Variants in CDK14 observed in about 807,000 individuals in gnomAD.
CDK14 encodes cyclin-dependent kinase 14.
In CDK14, 34 loss-of-function variants were observed where a neutral mutation model predicts 60.7. The observed-to-expected ratio is 0.56, with a 90% CI of 0.43 to 0.75. The LOEUF (loss-of-function observed/expected upper bound fraction) is 0.75, where lower values mean the gene tolerates loss of function less well. Among genes scored for constraint, CDK14 ranks in the 30% least tolerant of loss-of-function variants. The pLI is 0.00. For synonymous variants in CDK14, 197 were observed against 203.7 expected, an observed-to-expected ratio of 0.97 and a Z score of 0.28; for missense variants, 482 against 564.1, an observed-to-expected ratio of 0.85 and a Z score of 1.47.
At chr7:90,781,655 A>C (rs1805326018) in intron 4 of CDK14, among the ~76,000 whole-genome samples, 1 of 151,190 alleles carries the variant, frequency 6.6e-6, no homozygotes, top group African/African-American at 2.4e-5. Context: ...TTTTCCCAGC[A>C]CCATGTATTA....
At chr7:90,748,671 C>G (rs1803691911) in intron 4 of CDK14, among the ~76,000 whole-genome samples, 1 of 152,204 alleles carries the variant, frequency 6.6e-6, no homozygotes, top group African/African-American at 2.4e-5. Flanking sequence ...CAGCCTCAAC[C>G]TCCTGGGCTC....
intron 8 of CDK14, among the ~76,000 whole-genome samples, chr7:90,938,862 C>A (rs1793830254): frequency 6.6e-6 from 1 of 152,118 alleles, no homozygotes; most frequent in South Asian, 2.1e-4. Flanking sequence ...TATTTGTTTA[C>A]AACATTTGAT....
intron 5 of CDK14, among the ~76,000 whole-genome samples, chr7:90,831,905 A>C (rs1789924608): frequency 6.6e-6 from 1 of 151,696 alleles, no homozygotes; most frequent in South Asian, 2.1e-4. Context: ...CTTTAATCTC[A>C]CAGCACATGA....
intron 11 of CDK14, among the ~76,000 whole-genome samples, chr7:91,072,631 C>T (rs1316034888): frequency 2.6e-5 from 4 of 152,058 alleles, no homozygotes; most frequent in Admixed American, 1.3e-4. Flanking sequence ...TTCAAACGAT[C>T]GCAACAGCTC....
intron 6 of CDK14, among the ~76,000 whole-genome samples, chr7:90,869,080 A>C (rs905799723): frequency 6.6e-6 from 1 of 152,180 alleles, no homozygotes; most frequent in Non-Finnish European, 1.5e-5. Context: ...TTGATGTTTA[A>C]ATCTGTGAAG....
At chr7:91,027,725 T>A (rs1300370179) in intron 10 of CDK14, among the ~76,000 whole-genome samples, 1 of 149,614 alleles carries the variant, frequency 6.7e-6, no homozygotes, top group Non-Finnish European at 1.5e-5. Flanking sequence ...AATTGTATAG[T>A]GGTGAAGTCT....
chr7:90,708,064 G>A (rs1387189667), intron 2 of CDK14, among the ~76,000 whole-genome samples: 1 of 152,198 alleles, frequency 6.6e-6, no homozygotes, highest in Non-Finnish European at 1.5e-5. Flanking sequence ...TTAGGGGAAA[G>A]GGGATTGCCT....
At chr7:90,667,432 T>C (rs1801005277) in intron 2 of CDK14, among the ~76,000 whole-genome samples, 1 of 152,146 alleles carries the variant, frequency 6.6e-6, no homozygotes. Flanking sequence ...TAGCAGTCAC[T>C]CCCCATTTTT....
At chr7:90,705,637 A>G (rs1801881052) in intron 2 of CDK14, among the ~76,000 whole-genome samples, 1 of 150,014 alleles carries the variant, frequency 6.7e-6, no homozygotes, top group African/African-American at 2.5e-5. Context: ...ACCCTCTTCT[A>G]ATAAGCCTGA....
At chr7:90,852,735 T>C (rs1409031912) in intron 5 of CDK14, among the ~76,000 whole-genome samples, 2 of 152,264 alleles carry the variant, frequency 1.3e-5, no homozygotes, top group Middle Eastern at 3.4e-3. Context: ...ACTCAGTGTA[T>C]TAGTGACATT....
chr7:91,067,897 T>C (rs1233607548), intron 11 of CDK14, among the ~76,000 whole-genome samples: 1 of 152,254 alleles, frequency 6.6e-6, no homozygotes, highest in African/African-American at 2.4e-5. Context: ...CTTTTATCTG[T>C]AATAGAATTC....
intron 2 of CDK14, among the ~76,000 whole-genome samples, chr7:90,684,090 G>A (rs1490786152): frequency 6.6e-6 from 1 of 152,042 alleles, no homozygotes; most frequent in African/African-American, 2.4e-5. Flanking sequence ...AACTTGCAAC[G>A]ACTTCAATAT....
At chr7:90,784,903 A>G (rs1271190514) in intron 4 of CDK14, among the ~76,000 whole-genome samples, 2 of 152,226 alleles carry the variant, frequency 1.3e-5, no homozygotes, top group African/African-American at 2.4e-5. Context: ...GAATTAATAA[A>G]TGAAACACTA....
intron 3 of CDK14, among the ~76,000 whole-genome samples, chr7:90,731,974 G>A (rs1401453283): frequency 1.3e-5 from 2 of 152,084 alleles, no homozygotes; most frequent in African/African-American, 4.8e-5. Flanking sequence ...CTGGTTGTGG[G>A]TTTATCATAA....
intron 14 of CDK14, among the ~76,000 whole-genome samples, chr7:91,168,260 CAAA>C (rs35827575): frequency 3.2e-5 from 4 of 123,724 alleles, no homozygotes; most frequent in Admixed American, 7.9e-5. Context: ...GACTCTGTCT[CAAA>C]AAAAAAAAAA....
At chr7:90,721,728 G>A (rs543503147) in intron 2 of CDK14, among the ~76,000 whole-genome samples, 1 of 152,162 alleles carries the variant, frequency 6.6e-6, no homozygotes, top group Non-Finnish European at 1.5e-5. Context: ...AAGGGCTACT[G>A]TTTGGTGGTT....
intron 2 of CDK14, among the ~76,000 whole-genome samples, chr7:90,697,263 T>C (rs2116603579): frequency 6.6e-6 from 1 of 152,272 alleles, no homozygotes; most frequent in Admixed American, 6.5e-5. Context: ...AAGACATGAC[T>C]TACCTGAGGA....
At chr7:90,792,409 G>A (rs1169819958) in intron 5 of CDK14, among the ~76,000 whole-genome samples, 1 of 152,118 alleles carries the variant, frequency 6.6e-6, no homozygotes, top group Admixed American at 6.5e-5. Context: ...ACTACCAACT[G>A]AGATTCATTT....
intron 2 of CDK14, among the ~76,000 whole-genome samples, chr7:90,633,712 A>G (rs936384963): frequency 1.3e-5 from 2 of 152,200 alleles, no homozygotes. Context: ...ACTTGGCATA[A>G]TAAATGCCTA....
Sources: gnomAD v4.1 joint callset for allele counts (sites outside exome capture counted in the v4.1 genomes callset) on GRCh38, gnomAD v4.1.1 for gene constraint, MANE v1.5 for transcripts, NCBI Gene and HGNC (gene_info 2026-07-23, HGNC 2026-07-21) for gene names.